Variants in CERKL observed in about 807,000 individuals in gnomAD.
CERKL encodes the protein CERK like autophagy regulator.
Under a neutral mutation model 63.4 loss-of-function variants are expected in CERKL, and 61 were observed. That is an observed-to-expected ratio of 0.96 (90% CI 0.78 to 1.19). CERKL has a LOEUF of 1.19. Ranked by LOEUF, CERKL falls within the 50% of genes most tolerant of loss-of-function variation. The pLI is 0.00. For missense variants in CERKL, 675 were observed against 655.5 expected (o/e 1.03, Z -0.33); for synonymous variants, 250 against 230.5 (o/e 1.08, Z -0.77).
At chr2:181,611,298 T>C (rs1685959107) in intron 1 of CERKL, among the ~76,000 whole-genome samples, 1 of 151,956 alleles carries the variant, frequency 6.6e-6, no homozygotes, top group Non-Finnish European at 1.5e-5. Context: ...ACAACCTAAA[T>C]GTACAATAAT....
intron 1 of CERKL, chr2:181,649,736 T>C (rs1004173327): frequency 1.3e-5 from 2 of 152,130 alleles, no homozygotes; most frequent in African/African-American, 4.8e-5. Flanking sequence ...AGCGTTATAA[T>C]ACTAGAAATC....
chr2:181,630,228 C>CA (rs1686896301), intron 1 of CERKL, among the ~76,000 whole-genome samples: 1 of 151,958 alleles, frequency 6.6e-6, no homozygotes, highest in Admixed American at 6.6e-5. Flanking sequence ...CCTGCCCCCC[C>CA]AGAGTCGGGG....
chr2:181,637,055 TTA>T (rs1687209936), intron 1 of CERKL, among the ~76,000 whole-genome samples: 1 of 152,140 alleles, frequency 6.6e-6, no homozygotes, highest in Non-Finnish European at 1.5e-5. Context: ...CATGAATGAT[TTA>T]ACAAGAAAAA....
chr2:181,537,087 A>ATACACAGGAATAAACT lies in CERKL; in HGVS notation c.*1081_*1096dup, dbSNP rs1687161400. 1 of 451,650 alleles carries ATACACAGGAATAAACT rather than the reference A, an allele frequency of 2.2e-6. No homozygotes were observed. The highest frequency in any genetic ancestry group is 6.9e-5 in the East Asian group (1 of 14,402). The allele number at this position is 451,650 out of a possible 1,614,324, so 28.0% of individuals were successfully genotyped here. A position where few individuals can be genotyped will look rare whatever the true frequency, so the allele number is the denominator to read the frequency against. On this transcript the variant is annotated 3_prime_UTR_variant, in exon 13 of 13. Transcript: ENST00000410087. ...AAAACCTCCTGAACCCAGAGTGTGT[A>ATACACAGGAATAAACT]TACACAGGAATAAACTTTATGACAT...
intron 1 of CERKL, among the ~76,000 whole-genome samples, chr2:181,640,928 G>A (rs975019928): frequency 3.3e-5 from 5 of 152,126 alleles, no homozygotes; most frequent in African/African-American, 9.7e-5. Flanking sequence ...GGCCCCATCC[G>A]GGATGCAGGA....
At chr2:181,604,966 G>A (rs1339559259) in intron 1 of CERKL, among the ~76,000 whole-genome samples, 1 of 152,124 alleles carries the variant, frequency 6.6e-6, no homozygotes, top group Non-Finnish European at 1.5e-5. Flanking sequence ...CAAAGTAGAA[G>A]TGTTTTAGAC....
chr2:181,634,170 C>G (rs1410102187), intron 1 of CERKL, among the ~76,000 whole-genome samples: 8 of 152,018 alleles, frequency 5.3e-5, no homozygotes, highest in Non-Finnish European at 4.4e-5. Context: ...ATATCAATAG[C>G]ATAAAAACGA....
intron 3 of CERKL, among the ~76,000 whole-genome samples, chr2:181,569,467 A>G (rs1688807153): frequency 6.6e-6 from 1 of 152,136 alleles, no homozygotes; most frequent in South Asian, 2.1e-4. Context: ...ATAAACAACC[A>G]GAGAAACACT....
intron 11 of CERKL, among the ~76,000 whole-genome samples, chr2:181,541,106 T>C (rs1324757481): frequency 6.6e-6 from 1 of 152,208 alleles, no homozygotes; most frequent in African/African-American, 2.4e-5. Flanking sequence ...AGAACATAAC[T>C]ATATTTGGAG....
At chr2:181,637,294 C>T (rs1255147229) in intron 1 of CERKL, among the ~76,000 whole-genome samples, 1 of 151,942 alleles carries the variant, frequency 6.6e-6, no homozygotes, top group Non-Finnish European at 1.5e-5. Context: ...AGGCATCTAT[C>T]CTAAAAGCAC....
At chr2:181,593,085 A>T (rs1685055465) in intron 2 of CERKL, among the ~76,000 whole-genome samples, 1 of 152,160 alleles carries the variant, frequency 6.6e-6, no homozygotes, top group Non-Finnish European at 1.5e-5. Context: ...ACATTTAAGC[A>T]TCTCAGTAAC....
intron 4 of CERKL, among the ~76,000 whole-genome samples, chr2:181,560,807 T>C (rs1259143367): frequency 1.3e-5 from 2 of 152,178 alleles, no homozygotes; most frequent in East Asian, 3.8e-4. Context: ...AATCTTATTA[T>C]TTTGAAAAAC....
chr2:181,598,609 C>T (rs1179357401), intron 2 of CERKL, among the ~76,000 whole-genome samples: 1 of 152,084 alleles, frequency 6.6e-6, no homozygotes, highest in African/African-American at 2.4e-5. Flanking sequence ...GGATTGCAGC[C>T]TGAACTGTAC....
intron 2 of CERKL, among the ~76,000 whole-genome samples, chr2:181,599,817 C>A (rs1414290213): frequency 1.3e-5 from 2 of 152,056 alleles, no homozygotes; most frequent in Non-Finnish European, 2.9e-5. Context: ...CCTAATCTTG[C>A]CAGAGAGGTT....
chr2:181,646,270 A>T (rs1469684265), intron 1 of CERKL, among the ~76,000 whole-genome samples: 1 of 152,238 alleles, frequency 6.6e-6, no homozygotes, highest in African/African-American at 2.4e-5. Flanking sequence ...ATAGCTTCCT[A>T]AATACTCCTT....
At chr2:181,583,341 C>G (rs1401210888) in intron 2 of CERKL, among the ~76,000 whole-genome samples, 1 of 152,072 alleles carries the variant, frequency 6.6e-6, no homozygotes, top group African/African-American at 2.4e-5. Flanking sequence ...TCACATGAAA[C>G]ATTACAATAG....
chr2:181,655,940 T>A (rs7583601), intron 1 of CERKL, among the ~76,000 whole-genome samples: 65,164 of 151,892 alleles, frequency 0.43, 15,677 homozygotes, highest in South Asian at 0.78. Flanking sequence ...TAAGACTATA[T>A]GAAAGTCTAC....
At chr2:181,581,912 G>A (rs1463682349) in intron 2 of CERKL, among the ~76,000 whole-genome samples, 1 of 152,192 alleles carries the variant, frequency 6.6e-6, no homozygotes, top group Non-Finnish European at 1.5e-5. Flanking sequence ...AAGCCCTGAG[G>A]TTGCTTTGCA....
chr2:181,607,860 G>A (rs1302953687), intron 1 of CERKL, among the ~76,000 whole-genome samples: 1 of 152,186 alleles, frequency 6.6e-6, no homozygotes, highest in African/African-American at 2.4e-5. Flanking sequence ...CTGGGTGTCC[G>A]CTTCACATAG....
Sources: gnomAD v4.1 joint callset for allele counts (sites outside exome capture counted in the v4.1 genomes callset) on GRCh38, gnomAD v4.1.1 for gene constraint, MANE v1.5 for transcripts, NCBI Gene and HGNC (gene_info 2026-07-23, HGNC 2026-07-21) for gene names.